Variants in SCTR observed in about 807,000 individuals in gnomAD.
The protein encoded by SCTR is secretin receptor.
A neutral mutation model predicts 60.8 loss-of-function variants in SCTR; 56 were observed. That is an observed-to-expected ratio of 0.92 (90% CI 0.74 to 1.15). The LOEUF (loss-of-function observed/expected upper bound fraction) is 1.15, where lower values mean the gene tolerates loss of function less well. Among genes scored for constraint, SCTR ranks in the 50% most tolerant of loss-of-function variants. The pLI is 0.00. For missense variants in SCTR, 562 were observed against 550.4 expected (o/e 1.02, Z -0.21); for synonymous variants, 202 against 217.0 (o/e 0.93, Z 0.61).
chr2:119,491,806 C>G (rs376995324), intron 2 of SCTR, among the ~76,000 whole-genome samples: 1 of 152,164 alleles, frequency 6.6e-6, no homozygotes, highest in Admixed American at 6.5e-5. Context: ...CCGCTGTGCC[C>G]GGCAATCAAT....
chr2:119,441,752 TGTGG>T, intron 11 of SCTR, 153 bp from the exon 12 acceptor site: 1 of 685,578 alleles, frequency 1.5e-6, no homozygotes. Flanking sequence ...GGCTACCTCT[TGTGG>T]GCTGCCCACG....
At chr2:119,469,609 A>G (rs2579651) in intron 4 of SCTR, among the ~76,000 whole-genome samples, 136,232 of 152,234 alleles carry the variant, frequency 0.89, 61,097 homozygotes, top group African/African-American at 0.95. Flanking sequence ...TCCTGCCTTA[A>G]CCTCCGAGTA....
intron 7 of SCTR, 40 bp downstream of exon 7, chr2:119,461,807 C>T: frequency 1.3e-6 from 2 of 1,566,144 alleles, no homozygotes; most frequent in Non-Finnish European, 1.7e-6. Context: ...GCACCCCTTC[C>T]CACATACCAT....
At position 119,452,151 on chromosome 2, in the gene SCTR, T is replaced by G; in HGVS notation, c.852-72A>C. The G allele has an allele frequency of 5.5e-6, 5 of 906,372 alleles. No individual in the cohort carries two copies. In the South Asian group the frequency reaches 5.6e-5, roughly 10 times the overall value. The allele number at this position is 906,372 out of a possible 1,614,324, so 56.1% of individuals were successfully genotyped here. A position where few individuals can be genotyped will look rare whatever the true frequency, so the allele number is the denominator to read the frequency against. Reference sequence around the variant, plus strand: ...GCTGGGCTAACCAGCAAGGACATGTTCCCTGAGGTGGCCCTTGGTATGAAG... The same window carrying G: ...GCTGGGCTAACCAGCAAGGACATGTGCCCTGAGGTGGCCCTTGGTATGAAG... On this transcript the variant is annotated intron_variant, in intron 8 of 12. Coordinates refer to ENST00000019103, the MANE Select transcript of SCTR (RefSeq NM_002980.3).
intron 1 of SCTR, among the ~76,000 whole-genome samples, chr2:119,499,569 G>A (rs1414211551): frequency 6.6e-6 from 1 of 151,870 alleles, no homozygotes; most frequent in Non-Finnish European, 1.5e-5. Flanking sequence ...AAAGAAAAAT[G>A]GAAAATCTCC....
intron 9 of SCTR, among the ~76,000 whole-genome samples, chr2:119,449,839 G>T (rs1407731311): frequency 6.6e-6 from 1 of 152,058 alleles, no homozygotes; most frequent in Non-Finnish European, 1.5e-5. Flanking sequence ...GCATCTTGTT[G>T]TAAGCTGGCT....
chr2:119,480,094 T>C (rs1677532957), intron 2 of SCTR, among the ~76,000 whole-genome samples: 1 of 152,244 alleles, frequency 6.6e-6, no homozygotes, highest in Non-Finnish European at 1.5e-5. Flanking sequence ...TGAAATACAA[T>C]TAATTTCACT....
chr2:119,448,287 T>C (rs1053866737), intron 10 of SCTR, among the ~76,000 whole-genome samples: 1 of 152,356 alleles, frequency 6.6e-6, no homozygotes. Context: ...CTCTTTAACA[T>C]TTGAAAGGTC....
intron 1 of SCTR, among the ~76,000 whole-genome samples, chr2:119,500,810 T>A (rs1214395799): frequency 6.6e-6 from 1 of 152,170 alleles, no homozygotes; most frequent in African/African-American, 2.4e-5. Context: ...TAGTGTTTGA[T>A]AGATCAGTAG....
chr2:119,516,932 C>A (rs1679134342), intron 1 of SCTR, among the ~76,000 whole-genome samples: 1 of 152,136 alleles, frequency 6.6e-6, no homozygotes, highest in South Asian at 2.1e-4. Flanking sequence ...CGCACCATTG[C>A]ACTCTGGGCT....
chr2:119,449,671 A>G (rs915904738), intron 9 of SCTR, among the ~76,000 whole-genome samples: 16 of 152,130 alleles, frequency 1.1e-4, no homozygotes, highest in African/African-American at 3.6e-4. Context: ...TTATAGAAGC[A>G]GGGATCAGTG....
intron 4 of SCTR, among the ~76,000 whole-genome samples, chr2:119,466,747 T>C (rs1203843418): frequency 6.7e-6 from 1 of 148,722 alleles, no homozygotes; most frequent in African/African-American, 2.6e-5. Flanking sequence ...TAAGACCCTG[T>C]CTCAAATAAA....
At chr2:119,468,334 G>A (rs529067448) in intron 4 of SCTR, among the ~76,000 whole-genome samples, 4 of 152,308 alleles carry the variant, frequency 2.6e-5, no homozygotes, top group African/African-American at 9.6e-5. Context: ...CAAGCTCCAT[G>A]GTGTCACACA....
At chr2:119,482,805 G>A (rs1677686748) in intron 2 of SCTR, among the ~76,000 whole-genome samples, 1 of 152,148 alleles carries the variant, frequency 6.6e-6, no homozygotes, top group Non-Finnish European at 1.5e-5. Flanking sequence ...AGCCCACTCT[G>A]TGTCTCCGTG....
intron 11 of SCTR, among the ~76,000 whole-genome samples, chr2:119,442,387 C>T (rs529860236): frequency 1.3e-5 from 2 of 152,184 alleles, no homozygotes; most frequent in African/African-American, 4.8e-5. Context: ...TCTCAGGGAC[C>T]CACCTCAGGC....
Position 119,459,738 on chromosome 2 carries a change from A to T in SCTR, c.790+2109T>A, listed in dbSNP as rs146367842. ...GGAAGGTTCTTATTATTTCATTCCA[A>T]CATCTTAAAATCCTGTGACAGAGAT... On this transcript the variant is annotated intron_variant, in intron 7 of 12. Coordinates refer to ENST00000019103, the MANE Select transcript of SCTR (RefSeq NM_002980.3). Among the ~76,000 whole-genome samples, 10 of 152,322 alleles carry T rather than the reference A, an allele frequency of 6.6e-5. No individual in the cohort carries two copies. The East Asian group carries it at 1.9e-3, about 29-fold the overall frequency.
intron 1 of SCTR, among the ~76,000 whole-genome samples, chr2:119,520,255 C>G (rs1023159467): frequency 6.6e-6 from 1 of 152,156 alleles, no homozygotes; most frequent in Non-Finnish European, 1.5e-5. Flanking sequence ...AATCCCAACA[C>G]TTTGGGAGTC....
At chr2:119,466,078 T>C (rs1462437752) in intron 4 of SCTR, among the ~76,000 whole-genome samples, 192 bp from the exon 5 acceptor site, 1 of 152,072 alleles carries the variant, frequency 6.6e-6, no homozygotes, top group Non-Finnish European at 1.5e-5. Flanking sequence ...GATCATCTGA[T>C]GATCCCTAAG....
intron 7 of SCTR, 44 bp downstream of exon 7, chr2:119,461,803 C>A (rs1442965331): frequency 6.4e-7 from 1 of 1,554,386 alleles, no homozygotes; most frequent in South Asian, 1.2e-5. Flanking sequence ...CTCAGCACCC[C>A]TTCCCACATA....
Sources: gnomAD v4.1 joint callset for allele counts (sites outside exome capture counted in the v4.1 genomes callset) on GRCh38, gnomAD v4.1.1 for gene constraint, MANE v1.5 for transcripts, NCBI Gene and HGNC (gene_info 2026-07-23, HGNC 2026-07-21) for gene names.